The following EMC1 variants were observed in gnomAD, a reference collection of about 807,000 sequenced individuals.
The protein encoded by EMC1 is KIAA0090.
In EMC1, 103 loss-of-function variants were observed where a neutral mutation model predicts 128.8. The observed-to-expected ratio is 0.80, with a 90% CI of 0.68 to 0.94. The LOEUF is 0.94. EMC1 is among the 40% of genes least tolerant of loss of function. EMC1 has a pLI of 0.00. For synonymous variants in EMC1, 442 were observed against 490.4 expected, an observed-to-expected ratio of 0.90 and a Z score of 1.30; for missense variants, 1,083 against 1,250.6, an observed-to-expected ratio of 0.87 and a Z score of 2.02.
Position 19,223,516 on chromosome 1 carries a change from A to C in EMC1, c.2256T>G (p.His752Gln), listed in dbSNP as rs1243255422. 4 of 1,614,110 alleles carry C rather than the reference A, an allele frequency of 2.5e-6. No homozygotes were observed. The South Asian group carries it at 3.3e-5, about 13-fold the overall frequency. The change falls in exon 19 of 23, where the codon CAT becomes CAG. Residue 752 changes from histidine (H) to glutamine (Q), a missense_variant. Coordinates refer to ENST00000477853, the MANE Select transcript of EMC1 (RefSeq NM_015047.3). ...AVVTESTDAH[H>Q]ERTFIGIFLI... ...GGAAGATGCCAATAAAGGTGCGCTC[A>C]TGGTGCGCGTCTGTGCTCTCTGTCA...
Position 19,237,232 on chromosome 1 carries a change from T to C in EMC1, c.1219A>G (p.Ile407Val), listed in dbSNP as rs1213853393. 1 of 1,613,008 alleles carries C rather than the reference T, an allele frequency of 6.2e-7. No individual in the cohort carries two copies. Among genetic ancestry groups the C allele is most frequent in the Admixed American group, 1.7e-5 (1 of 59,986 alleles). The stretch of plus-strand genomic sequence containing the variant: ...TCATCCTTCTTCAAGAACACCTGGA[T>C]ATACAGCTATAAGCCACAGTCAAGA... The part of the protein sequence containing the change: ...QSGTRPERLY[I>V]QVFLKKDDSV... The change falls in exon 12 of 23, where the codon ATC becomes GTC. Residue 407 changes from isoleucine (I) to valine (V), a missense_variant. Around this residue, in one of 3 missense-constraint regions of EMC1, gnomAD observed 544 missense variants for 572.4 expected, o/e 0.95. Coordinates refer to ENST00000477853, the MANE Select transcript of EMC1 (RefSeq NM_015047.3).
At chr1:19,223,604 G>A (rs746823173) in intron 18 of EMC1, 35 bp from the exon 19 acceptor site, 35 of 1,602,002 alleles carry the variant, frequency 2.2e-5, no homozygotes, top group Middle Eastern at 3.3e-4. Context: ...TTAGAACCAC[G>A]ACGACTCATC....
In EMC1 at chr1:19,220,860, G is replaced by A. The variant is rs759143899; in HGVS notation, c.2588-12C>T. On this transcript the variant is annotated splice_polypyrimidine_tract_variant and intron_variant, in intron 20 of 22. Transcript: ENST00000477853. The stretch of plus-strand genomic sequence containing the variant: ...AGAAGGTAGTCCAACTACACAGGAG[G>A]AAGTGAATGTTCACACCGATCCAGT... 5 of 1,597,546 alleles carry A rather than the reference G, an allele frequency of 3.1e-6. No homozygotes were observed. The African/African-American group carries it at 6.7e-5, about 21-fold the overall frequency.
At chr1:19,251,307 C>G (rs1212626855) in intron 1 of EMC1, 108 bp downstream of exon 1, 2 of 1,030,368 alleles carry the variant, frequency 1.9e-6, no homozygotes, top group Non-Finnish European at 3.0e-6. Context: ...TGTACTGGGT[C>G]CTGCAAATTA....
rs558898340 is a variant in EMC1 at position 19,243,508 on chromosome 1, A to G, written c.380+106T>C. The G allele has an allele frequency of 2.7e-5, 26 of 969,556 alleles. No individual in the cohort carries two copies. The African/African-American group carries it at 4.0e-4, about 15-fold the overall frequency. 60.1% of individuals were successfully genotyped at this position (969,556 alleles called of 1,614,324 possible). A position where few individuals can be genotyped will look rare whatever the true frequency, so the allele number is the denominator to read the frequency against. ...ACTCAATGTCAATGGCTGGCTCTTC[A>G]GTGGTCCCTGGGAAAAAGCCAAAAG... On this transcript the variant is annotated intron_variant, in intron 4 of 22. Coordinates refer to ENST00000477853, the MANE Select transcript of EMC1 (RefSeq NM_015047.3).
intron 18 of EMC1, among the ~76,000 whole-genome samples, chr1:19,225,129 T>C (rs374178326): frequency 1.3e-5 from 2 of 152,228 alleles, no homozygotes; most frequent in African/African-American, 2.4e-5. Flanking sequence ...CCAACTATGA[T>C]GAAAGCCTCA....
chr1:19,238,961 A>G (rs976520222), intron 9 of EMC1, 104 bp from the exon 10 acceptor site: 14 of 887,958 alleles, frequency 1.6e-5, no homozygotes, highest in African/African-American at 5.0e-5. Context: ...AGAGAAGACA[A>G]AGCTCATTTC....
rs775335730 is a variant in EMC1, at chr1:19,223,426, G to A, written c.2346C>T (p.Val782=). The change falls in exon 19 of 23, where the codon GTC becomes GTT. Residue 782 remains valine, a synonymous_variant. Transcript: ENST00000477853. ...SSVQKKAKGP[V]HIVHSENWVV... ...CCCAGTTCTCTGAATGCACGATATG[G>A]ACAGGGCCTTTGGCTTTCTTCTGCA... The A allele has an allele frequency of 3.7e-6, 6 of 1,614,042 alleles. No homozygotes were observed. The Admixed American group carries it at 8.3e-5, about 22-fold the overall frequency.
chr1:19,228,034 C>T (rs2093489838), intron 17 of EMC1, among the ~76,000 whole-genome samples: 1 of 151,964 alleles, frequency 6.6e-6, no homozygotes. Context: ...AGAGAAACCA[C>T]ATCTCTACTA....
chr1:19,239,557 G>A (rs1476978804), intron 8 of EMC1: 10 of 583,924 alleles, frequency 1.7e-5, no homozygotes, highest in African/African-American at 5.6e-5. Flanking sequence ...CTATCTATGG[G>A]GAAGCTCTCA....
At chr1:19,245,700 C>T (rs2093629121) in intron 1 of EMC1, among the ~76,000 whole-genome samples, 1 of 144,810 alleles carries the variant, frequency 6.9e-6, no homozygotes, top group Non-Finnish European at 1.5e-5. Context: ...TCTCAGCTCA[C>T]TGCAACCTCC....
In EMC1 at chr1:19,238,107, G is replaced by A. The variant is rs2151955925; in HGVS notation, c.1122C>T (p.Thr374=). Residue 374 remains threonine, a synonymous_variant, in exon 11 of 23, where the codon ACC becomes ACT. Coordinates refer to ENST00000477853, the MANE Select transcript of EMC1 (RefSeq NM_015047.3). ...DSLACFNQTY[T]INLYLVETGR... is the part of the protein sequence containing the mutation. ...CTGTCTCCACGAGGTATAGGTTAAT[G>A]GTGTAGGTCTGATTGAAGCAAGCCA... 6.2e-7 allele frequency: 1 copy of A among 1,614,154 alleles called. No homozygotes were observed. Among genetic ancestry groups the A allele is most frequent in the Middle Eastern group, 1.6e-4 (1 of 6,062 alleles).
At chr1:19,240,221 C>A in intron 7 of EMC1, 76 bp downstream of exon 7, 1 of 1,572,266 alleles carries the variant, frequency 6.4e-7, no homozygotes, top group Non-Finnish European at 8.7e-7. Context: ...GAAAGACCCT[C>A]CAGGGGAATC....
rs1296201536 is a variant in EMC1, at chr1:19,222,750, C to T, written c.2461G>A (p.Ala821Thr). The T allele has an allele frequency of 1.9e-6, 3 of 1,614,130 alleles. No homozygotes were observed. Among genetic ancestry groups the T allele is most frequent in the African/African-American group, 1.3e-5 (1 of 75,026 alleles). The change falls in exon 20 of 23, where the codon GCC becomes ACC. Residue 821 changes from alanine (A) to threonine (T), a missense_variant. Ala to Thr is a moderately conservative substitution (Grantham distance 58, BLOSUM62 0). Coordinates refer to ENST00000477853, the MANE Select transcript of EMC1 (RefSeq NM_015047.3). ...TGGGGGCGGTCCAGGGAGCTGAAGG[C>T]GGTGGCGTTGTATTGCTCAGTGCCC... ...YEGTEQYNAT[A>T]FSSLDRPQLP...
At position 19,235,227 on chromosome 1, in the gene EMC1, A is replaced by G. The variant is rs141427813; in HGVS notation, c.1335T>C (p.Arg445=). 7.4e-5 allele frequency: 120 copies of G among 1,613,216 alleles called. No homozygotes were observed. In the African/African-American group the frequency reaches 1.4e-3, roughly 19 times the overall value. ...QLAGKVVLWS[R]EESLAEVVCL... ...ACACCACTTCTGCCAGGGACTCCTC[A>G]CGGCTCCACAGCACCACCTTCCCTG... The change falls in exon 13 of 23, where the codon CGT becomes CGC. Residue 445 remains arginine (R), a synonymous_variant. Coordinates refer to ENST00000477853, the MANE Select transcript of EMC1 (RefSeq NM_015047.3).
At chr1:19,232,804 C>T in intron 14 of EMC1, 31 bp from the exon 15 acceptor site, 3 of 1,613,624 alleles carry the variant, frequency 1.9e-6, no homozygotes, top group Non-Finnish European at 2.5e-6. Flanking sequence ...TGGCTCACTA[C>T]TAGAAAGAGA....
In EMC1 at chr1:19,216,477, G is replaced by A. The variant is rs1488772591; in HGVS notation, c.*2826C>T. On this transcript the variant is annotated 3_prime_UTR_variant, in exon 23 of 23. Coordinates refer to ENST00000477853, the MANE Select transcript of EMC1 (RefSeq NM_015047.3). ...ATGATATTCAAGATACATTAGCTGA[G>A]CCTTTATAAAAACATCTCATGTACC... 1 of 152,022 alleles carries A rather than the reference G, an allele frequency of 6.6e-6. No individual in the cohort carries two copies. The highest frequency in any genetic ancestry group is 6.5e-5 in the Admixed American group (1 of 15,268). 9.4% of individuals were successfully genotyped at this position (152,022 alleles called of 1,614,324 possible). A position where few individuals can be genotyped will look rare whatever the true frequency, so the allele number is the denominator to read the frequency against.
At chr1:19,243,477 A>G (rs575493373) in intron 4 of EMC1, 137 bp downstream of exon 4, 319 of 741,800 alleles carry the variant, frequency 4.3e-4, no homozygotes, top group Non-Finnish European at 6.3e-4. Flanking sequence ...CATATCCACA[A>G]TGGGTACTCA....
Position 19,230,940 on chromosome 1 carries a change from C to T in EMC1, c.1968G>A (p.Arg656=). 1 of 1,614,194 alleles carries T rather than the reference C, an allele frequency of 6.2e-7. No individual in the cohort carries two copies. The highest frequency in any genetic ancestry group is 8.5e-7 in the Non-Finnish European group (1 of 1,180,038). The change falls in exon 17 of 23, where the codon CGG becomes CGA. Residue 656 remains arginine, a synonymous_variant. Coordinates refer to ENST00000477853, the MANE Select transcript of EMC1 (RefSeq NM_015047.3). ...GCTCATGTAGCTGTCGCAAGACATT[C>T]CGAGTGGCTGGAAAAGCTGTGACCT... ...EYKVTAFPAT[R]NVLRQLHELA...
Sources: gnomAD v4.1 joint callset for allele counts (sites outside exome capture counted in the v4.1 genomes callset) on GRCh38, gnomAD v4.1.1 for gene constraint, gnomAD v4.1.1 regional missense constraint, MANE v1.5 for transcripts, NCBI Gene and HGNC (gene_info 2026-07-23, HGNC 2026-07-21) for gene names.